The following TBC1D5 variants were observed in gnomAD, a reference collection of about 807,000 sequenced individuals.
TBC1D5 encodes the protein TBC1 domain family member 5.
Under a neutral mutation model 100.3 loss-of-function variants are expected in TBC1D5, and 75 were observed. The observed-to-expected ratio is 0.75, with a 90% CI of 0.62 to 0.91. The LOEUF is 0.91. TBC1D5 is among the 40% of genes least tolerant of loss of function. TBC1D5 has a pLI of 0.00. For synonymous variants in TBC1D5, 323 were observed against 325.6 expected (o/e 0.99, Z 0.09); for missense variants, 910 against 942.4 (o/e 0.97, Z 0.45).
chr3:17,407,221 C>G (rs199589656), intron 4 of TBC1D5, among the ~76,000 whole-genome samples: 2 of 152,118 alleles, frequency 1.3e-5, no homozygotes, highest in South Asian at 2.1e-4. Flanking sequence ...GGGCCTAACA[C>G]CTGTGCCTCA....
At chr3:17,459,328 G>A (rs116370977) in intron 3 of TBC1D5, among the ~76,000 whole-genome samples, 1 of 152,252 alleles carries the variant, frequency 6.6e-6, no homozygotes, top group African/African-American at 2.4e-5. Context: ...CTCATAAGGA[G>A]TGTGCAACCC....
At chr3:17,203,129 C>T (rs2071686705) in intron 18 of TBC1D5, among the ~76,000 whole-genome samples, 1 of 152,234 alleles carries the variant, frequency 6.6e-6, no homozygotes, top group Admixed American at 6.5e-5. Context: ...CAGGGAGATC[C>T]CCAAGGCCTT....
chr3:17,471,778 C>T (rs1023522435), intron 3 of TBC1D5, among the ~76,000 whole-genome samples: 9 of 150,434 alleles, frequency 6.0e-5, no homozygotes, highest in African/African-American at 2.2e-4. Flanking sequence ...TTAGAAACTA[C>T]ATGTGTTTTT....
intron 1 of TBC1D5, among the ~76,000 whole-genome samples, chr3:17,660,292 T>C (rs926370639): frequency 2.0e-5 from 3 of 152,220 alleles, no homozygotes; most frequent in African/African-American, 7.2e-5. Flanking sequence ...TTTATAATGC[T>C]TATAGAAGAG....
intron 15 of TBC1D5, among the ~76,000 whole-genome samples, chr3:17,288,688 C>T (rs1023209980): frequency 6.6e-6 from 1 of 152,166 alleles, no homozygotes; most frequent in Admixed American, 6.5e-5. Context: ...AGAGGACCAC[C>T]CTTGCATCCC....
chr3:17,232,337 A>G (rs2075495318), intron 17 of TBC1D5, among the ~76,000 whole-genome samples: 1 of 152,180 alleles, frequency 6.6e-6, no homozygotes, highest in Non-Finnish European at 1.5e-5. Context: ...TAATGTTGGG[A>G]CAACAACACA....
At chr3:17,177,530 G>T (rs542421009) in intron 19 of TBC1D5, among the ~76,000 whole-genome samples, 2 of 152,282 alleles carry the variant, frequency 1.3e-5, no homozygotes, top group Admixed American at 6.5e-5. Flanking sequence ...TTATGAATAT[G>T]TTAACAGGGT....
intron 3 of TBC1D5, among the ~76,000 whole-genome samples, chr3:17,482,863 C>G (rs557009747): frequency 2.6e-5 from 4 of 152,172 alleles, no homozygotes; most frequent in African/African-American, 7.2e-5. Context: ...GGGAGATCTC[C>G]TATATCTAAA....
At chr3:17,245,446 C>T (rs147077631) in intron 16 of TBC1D5, among the ~76,000 whole-genome samples, 1 of 148,780 alleles carries the variant, frequency 6.7e-6, no homozygotes, top group African/African-American at 2.6e-5. Flanking sequence ...GTACTTACTC[C>T]TTTAGAGTTG....
chr3:17,739,312 T>C (rs544395435), intron 1 of TBC1D5: 16 of 152,234 alleles, frequency 1.1e-4, no homozygotes, highest in Non-Finnish European at 2.2e-4. Flanking sequence ...ATATATTCAT[T>C]TTTAAATGAA....
chr3:17,338,551 G>A (rs2088317510), intron 13 of TBC1D5: 1 of 152,100 alleles, frequency 6.6e-6, no homozygotes, highest in South Asian at 2.1e-4. Flanking sequence ...ACTGTGCCAA[G>A]CACAAATAAA....
intron 1 of TBC1D5, among the ~76,000 whole-genome samples, chr3:17,700,924 A>G (rs1312270541): frequency 6.6e-6 from 1 of 152,180 alleles, no homozygotes; most frequent in Non-Finnish European, 1.5e-5. Context: ...CAGTGTGGTA[A>G]TCCCTCAAAG....
At chr3:17,283,862 T>C (rs1422878505) in intron 15 of TBC1D5, among the ~76,000 whole-genome samples, 1 of 152,140 alleles carries the variant, frequency 6.6e-6, no homozygotes, top group Non-Finnish European at 1.5e-5. Context: ...CTGGCTCCAA[T>C]GATACTGGTC....
At chr3:17,445,695 T>G (rs1328101719) in intron 3 of TBC1D5, among the ~76,000 whole-genome samples, 1 of 152,206 alleles carries the variant, frequency 6.6e-6, no homozygotes, top group Non-Finnish European at 1.5e-5. Context: ...TCTATTTTAT[T>G]AGTAGCATGG....
rs116633413 is a variant in TBC1D5, at chr3:17,290,688, T to C, written c.1245+1207A>G. Among the ~76,000 whole-genome samples, 1,177 of 152,292 alleles carry C rather than the reference T, an allele frequency of 7.7e-3. 10 individuals are homozygous for C. The highest frequency in any genetic ancestry group is 0.015 in the Admixed American group (233 of 15,300). ...TTTTTTTGGGGGTGTAGGGAGTATA[T>C]AGTCATACAACTTACAAATACATAT... On this transcript the variant is annotated intron_variant, in intron 15 of 21. Transcript: ENST00000253692.
intron 19 of TBC1D5, 71 bp from the exon 21 acceptor site, chr3:17,167,899 T>G: frequency 8.9e-7 from 1 of 1,127,334 alleles, no homozygotes; most frequent in Non-Finnish European, 1.3e-6. Context: ...CATCATAACT[T>G]CAGACGGGCT....
intron 4 of TBC1D5, among the ~76,000 whole-genome samples, chr3:17,421,148 T>C (rs1342853233): frequency 1.3e-5 from 2 of 152,178 alleles, no homozygotes; most frequent in African/African-American, 4.8e-5. Flanking sequence ...TTGTATATTA[T>C]AAAGAAGCAC....
intron 2 of TBC1D5, among the ~76,000 whole-genome samples, chr3:17,527,507 A>G (rs2096153747): frequency 1.3e-5 from 2 of 152,188 alleles, no homozygotes; most frequent in South Asian, 4.1e-4. Context: ...GTGACATGAT[A>G]TGATCTATTC....
At chr3:17,588,687 T>A (rs1050715953) in intron 2 of TBC1D5, among the ~76,000 whole-genome samples, 2 of 152,074 alleles carry the variant, frequency 1.3e-5, no homozygotes, top group Admixed American at 6.6e-5. Context: ...AAAACCAAAA[T>A]CCCATTGAGA....
Sources: gnomAD v4.1 joint callset for allele counts (sites outside exome capture counted in the v4.1 genomes callset) on GRCh38, gnomAD v4.1.1 for gene constraint, MANE v1.5 for transcripts, NCBI Gene and HGNC (gene_info 2026-07-23, HGNC 2026-07-21) for gene names.